Variants in FRMD3 observed in about 807,000 individuals in gnomAD.
FRMD3 encodes the protein FERM domain-containing protein 3.
In FRMD3, 33 loss-of-function variants were observed where a neutral mutation model predicts 70.2. The ratio of observed to expected loss-of-function variants is 0.47; its 90% CI spans 0.36 to 0.63. The LOEUF (loss-of-function observed/expected upper bound fraction) is 0.63, where lower values mean the gene tolerates loss of function less well. Among genes scored for constraint, FRMD3 ranks in the 20% least tolerant of loss-of-function variants. The probability of loss-of-function intolerance (pLI) is 0.00; values close to 1 mark genes in which losing one functional copy is unlikely to be tolerated. For synonymous variants in FRMD3, 279 were observed against 255.9 expected, an observed-to-expected ratio of 1.09 and a Z score of -0.86; for missense variants, 632 against 711.4, an observed-to-expected ratio of 0.89 and a Z score of 1.27.
chr9:83,329,682 A>C (rs1836172123), intron 6 of FRMD3, among the ~76,000 whole-genome samples: 1 of 152,202 alleles, frequency 6.6e-6, no homozygotes, highest in South Asian at 2.1e-4. Flanking sequence ...CACAAACCTC[A>C]CTGCCCCGGA....
chr9:83,450,070 C>T (rs1300762371), intron 1 of FRMD3, among the ~76,000 whole-genome samples: 1 of 143,734 alleles, frequency 7.0e-6, no homozygotes, highest in Non-Finnish European at 1.5e-5. Flanking sequence ...TTTACAGAAG[C>T]ACCCATAAAG....
chr9:83,267,293 G>C, intron 13 of FRMD3: 2 of 1,465,466 alleles, frequency 1.4e-6, no homozygotes, highest in Non-Finnish European at 1.8e-6. Context: ...ACTCATGAGG[G>C]ATCAGCATTG....
At chr9:83,552,591 C>T in the FRMD3 span, among the ~76,000 whole-genome samples, 2 of 151,950 alleles carry the variant, frequency 1.3e-5, no homozygotes, top group East Asian at 1.9e-4. Flanking sequence ...TATTATTTTG[C>T]GGGAGTCTCT....
chr9:83,350,738 C>G (rs1356207941), intron 3 of FRMD3: 8 of 982,558 alleles, frequency 8.1e-6, no homozygotes, highest in Non-Finnish European at 7.2e-6. Context: ...CCTATGTAGG[C>G]TGCAATTCTG....
chr9:83,584,379 CCTT>C, the FRMD3 span, among the ~76,000 whole-genome samples: 94 of 152,142 alleles, frequency 6.2e-4, 1 homozygote, highest in African/African-American at 2.0e-3. Flanking sequence ...TCCTCCTCCT[CCTT>C]GTCTTACTCC....
chr9:83,538,474 G>A (rs1005819567), upstream of FRMD3: 3 of 346,160 alleles, frequency 8.7e-6, no homozygotes, highest in Admixed American at 4.8e-5. The surrounding 1 kb of genome is among the most constrained non-coding windows in gnomAD (Gnocchi z 4.7). Flanking sequence ...TGTCGCGCGC[G>A]CTCGTGCGCC....
Position 83,538,034 on chromosome 9 carries a change from C to G in FRMD3, c.147+51G>C, listed in dbSNP as rs1375344300. 2 of 1,596,084 alleles carry G rather than the reference C, an allele frequency of 1.3e-6. No homozygotes were observed. The highest frequency in any genetic ancestry group is 1.1e-5 in the South Asian group (1 of 89,538). On this transcript the variant is annotated intron_variant, in intron 1 of 13. Transcript: ENST00000304195. The surrounding 1 kb of genome is among the most constrained non-coding windows in gnomAD (Gnocchi z 4.7). The stretch of plus-strand genomic sequence containing the variant: ...CTCGCATGCCCACCGCAAAGGCCCC[C>G]CGCCCTGCTCCCGGCGTGTGCCCCG...
At chr9:83,243,797 C>T (rs1283684254), downstream of FRMD3, among the ~76,000 whole-genome samples, 1 of 152,086 alleles carries the variant, frequency 6.6e-6, no homozygotes, top group Admixed American at 6.5e-5. Context: ...TCCCCTACCC[C>T]TTTTGTTTCA....
chr9:83,583,450 T>C, the FRMD3 span, among the ~76,000 whole-genome samples: 1 of 152,134 alleles, frequency 6.6e-6, no homozygotes, highest in Admixed American at 6.6e-5. Flanking sequence ...CTAGCCACAT[T>C]TCTATTATAT....
At chr9:83,421,239 C>G (rs1258707989) in intron 1 of FRMD3, among the ~76,000 whole-genome samples, 1 of 152,024 alleles carries the variant, frequency 6.6e-6, no homozygotes, top group Non-Finnish European at 1.5e-5. Flanking sequence ...CGCGCCCGGC[C>G]GAGCCATCTT....
In FRMD3 at chr9:83,467,733, C is replaced by G. The variant is rs1828167561; in HGVS notation, c.147+70352G>C. On this transcript the variant is annotated intron_variant, in intron 1 of 13. Transcript: ENST00000304195. Reference sequence around the variant, plus strand: ...CCATCTCGTCTTCTGTCTCTGGGAGCTCTAGGGCTCCAATCTAAGCTCGCT... The same window carrying G: ...CCATCTCGTCTTCTGTCTCTGGGAGGTCTAGGGCTCCAATCTAAGCTCGCT... 3.9e-6 allele frequency: 6 copies of G among 1,522,970 alleles called. No individual in the cohort carries two copies. The East Asian group carries it at 1.5e-4, about 37-fold the overall frequency. The allele number at this position is 1,522,970 out of a possible 1,614,324, so 94.3% of individuals were successfully genotyped here.
intron 1 of FRMD3, among the ~76,000 whole-genome samples, chr9:83,438,869 T>C (rs1827215645): frequency 6.6e-6 from 1 of 152,244 alleles, no homozygotes; most frequent in African/African-American, 2.4e-5. Context: ...TTCCCACCTC[T>C]GTGCTGCACC....
chr9:83,547,733 T>C, the FRMD3 span, among the ~76,000 whole-genome samples: 2 of 152,140 alleles, frequency 1.3e-5, no homozygotes, highest in African/African-American at 4.8e-5. Flanking sequence ...CTGCCAAACA[T>C]ACATTTTTTT....
intron 13 of FRMD3, among the ~76,000 whole-genome samples, chr9:83,255,152 T>C (rs759746801): frequency 2.0e-5 from 3 of 152,110 alleles, no homozygotes; most frequent in Non-Finnish European, 2.9e-5. Flanking sequence ...GCAAACTGAA[T>C]CCAGCAGCAT....
chr9:83,354,517 G>A (rs944560497), intron 3 of FRMD3, among the ~76,000 whole-genome samples: 1 of 152,084 alleles, frequency 6.6e-6, no homozygotes, highest in Non-Finnish European at 1.5e-5. Flanking sequence ...GAAAGTAAAG[G>A]GGGCAAGTGT....
At chr9:83,270,667 G>C (rs748327481) in intron 13 of FRMD3, among the ~76,000 whole-genome samples, 2 of 152,170 alleles carry the variant, frequency 1.3e-5, no homozygotes, top group East Asian at 1.9e-4. Context: ...TCATCTCTGA[G>C]CCTCAGTTTC....
At chr9:83,539,206 C>T (rs1303228196), upstream of FRMD3, among the ~76,000 whole-genome samples, 1 of 152,172 alleles carries the variant, frequency 6.6e-6, no homozygotes, top group East Asian at 1.9e-4. Context: ...GGATGTGCCC[C>T]ATCCCGTTTT....
chr9:83,328,096 A>G (rs142883145), intron 6 of FRMD3, among the ~76,000 whole-genome samples: 279 of 152,188 alleles, frequency 1.8e-3, no homozygotes, highest in African/African-American at 6.4e-3. Context: ...ATGCACGGAA[A>G]CTCAAATTTC....
chr9:83,270,960 C>T (rs1420003080), intron 13 of FRMD3, among the ~76,000 whole-genome samples: 1 of 151,368 alleles, frequency 6.6e-6, no homozygotes, highest in Non-Finnish European at 1.5e-5. Flanking sequence ...TTACGAGTTA[C>T]TCCTCCCCAA....
Sources: gnomAD v4.1 joint callset for allele counts (sites outside exome capture counted in the v4.1 genomes callset) on GRCh38, gnomAD v4.1.1 for gene constraint, Gnocchi (gnomAD v3.1) non-coding constraint, MANE v1.5 for transcripts, NCBI Gene and HGNC (gene_info 2026-07-23, HGNC 2026-07-21) for gene names.